The following TMEM132D variants were observed in gnomAD, a reference collection of about 807,000 sequenced individuals.
TMEM132D encodes the protein mature OL transmembrane protein.
Under a neutral mutation model 62.3 loss-of-function variants are expected in TMEM132D, and 21 were observed. The ratio of observed to expected loss-of-function variants is 0.34; its 90% confidence interval spans 0.24 to 0.49. The LOEUF is 0.49. Ranked by LOEUF, TMEM132D falls within the 20% of genes least tolerant of loss-of-function variation. TMEM132D has a pLI of 0.99. For synonymous variants in TMEM132D, 621 were observed against 575.6 expected, an observed-to-expected ratio of 1.08 and a Z score of -1.13; for missense variants, 1,346 against 1,402.8, an observed-to-expected ratio of 0.96 and a Z score of 0.65.
At chr12:129,232,604 G>A (rs916485560) in intron 4 of TMEM132D, among the ~76,000 whole-genome samples, 1 of 152,054 alleles carries the variant, frequency 6.6e-6, no homozygotes, top group Non-Finnish European at 1.5e-5. Context: ...TGTGACCACC[G>A]AACGATTACT....
intron 2 of TMEM132D, among the ~76,000 whole-genome samples, chr12:129,672,040 T>C (rs1880512428): frequency 6.6e-6 from 1 of 152,198 alleles, no homozygotes; most frequent in Non-Finnish European, 1.5e-5. Context: ...GACCTGATCG[T>C]GCAAAAATGC....
chr12:129,098,265 T>C (rs767207527), intron 5 of TMEM132D, among the ~76,000 whole-genome samples: 20 of 152,284 alleles, frequency 1.3e-4, no homozygotes, highest in Admixed American at 3.3e-4. Context: ...CAACTGATCG[T>C]TGACAAAGGA....
Position 129,726,274 on chromosome 12 carries a change from A to G in TMEM132D, c.80-25576T>C, listed in dbSNP as rs778851277. ...GAGTACGGCCCCAGGAGTCCTTCCA[A>G]TGAATCCCCAAAGCTGAGGGTGGAC... is the stretch of plus-strand genomic sequence containing the variant. On this transcript the variant is annotated intron_variant, in intron 1 of 8. Coordinates refer to ENST00000422113, the MANE Select transcript of TMEM132D (RefSeq NM_133448.3). Among the ~76,000 whole-genome samples the G allele has an allele frequency of 5.3e-5, 8 of 152,154 alleles. No individual in the cohort carries two copies. In the South Asian group the frequency reaches 6.2e-4, roughly 12 times the overall value.
chr12:129,702,076 T>A (rs1482910474), intron 1 of TMEM132D, among the ~76,000 whole-genome samples: 1 of 152,192 alleles, frequency 6.6e-6, no homozygotes, highest in Admixed American at 6.5e-5. Flanking sequence ...TAACACAGGG[T>A]GTCAGGCTGC....
chr12:129,440,560 C>T (rs1022411728), intron 3 of TMEM132D, among the ~76,000 whole-genome samples: 1 of 152,116 alleles, frequency 6.6e-6, no homozygotes, highest in Non-Finnish European at 1.5e-5. Context: ...TCTCATATAT[C>T]CCATAATAGC....
chr12:129,601,412 T>A (rs1878479588), intron 2 of TMEM132D, among the ~76,000 whole-genome samples: 2 of 152,226 alleles, frequency 1.3e-5, no homozygotes, highest in Admixed American at 1.3e-4. Flanking sequence ...GTGTGTTCAC[T>A]GGAGTAGCAG....
At chr12:129,644,895 A>G (rs1334154862) in intron 2 of TMEM132D, among the ~76,000 whole-genome samples, 5 of 148,094 alleles carry the variant, frequency 3.4e-5, no homozygotes, top group Admixed American at 1.4e-4. Context: ...CTGAGTCAAG[A>G]GAATGGTCTG....
intron 1 of TMEM132D, among the ~76,000 whole-genome samples, chr12:129,807,235 G>A (rs1872021704): frequency 6.6e-6 from 1 of 152,178 alleles, no homozygotes; most frequent in Non-Finnish European, 1.5e-5. Flanking sequence ...GCCAGGACAA[G>A]CCTGTCCCCA....
At chr12:129,594,372 G>A (rs955341769) in intron 2 of TMEM132D, among the ~76,000 whole-genome samples, 22 of 152,152 alleles carry the variant, frequency 1.4e-4, no homozygotes, top group Non-Finnish European at 4.4e-5. Flanking sequence ...TCAAAGTCCA[G>A]GGGAAATGAA....
intron 1 of TMEM132D, among the ~76,000 whole-genome samples, chr12:129,781,932 TAAG>T (rs1427479098): frequency 6.6e-6 from 1 of 152,200 alleles, no homozygotes; most frequent in Admixed American, 6.5e-5. Context: ...TGAATTTTTT[TAAG>T]AAGTTCAAGA....
chr12:129,206,745 A>G (rs1310089338), intron 5 of TMEM132D, among the ~76,000 whole-genome samples: 1 of 152,254 alleles, frequency 6.6e-6, no homozygotes, highest in African/African-American at 2.4e-5. Context: ...AATGTGGTAC[A>G]TATACACCAT....
At chr12:129,623,199 A>C (rs1393927251) in intron 2 of TMEM132D, among the ~76,000 whole-genome samples, 3 of 152,214 alleles carry the variant, frequency 2.0e-5, no homozygotes, top group Non-Finnish European at 4.4e-5. Context: ...ATATGTAACA[A>C]CAACCAACTA....
chr12:129,090,082 C>T (rs1456836328), intron 5 of TMEM132D, among the ~76,000 whole-genome samples: 2 of 152,218 alleles, frequency 1.3e-5, no homozygotes, highest in Non-Finnish European at 1.5e-5. Context: ...TGAGAGCAGC[C>T]GCTATGAGCT....
chr12:129,513,868 C>T (rs538684152), intron 3 of TMEM132D, among the ~76,000 whole-genome samples: 302 of 147,828 alleles, frequency 2.0e-3, no homozygotes, highest in African/African-American at 7.2e-3. Flanking sequence ...GACGGAGTCT[C>T]GCTCTGTCGC....
intron 3 of TMEM132D, among the ~76,000 whole-genome samples, chr12:129,372,099 C>A (rs937650684): frequency 1.3e-5 from 2 of 152,068 alleles, no homozygotes; most frequent in African/African-American, 4.8e-5. Flanking sequence ...GAAGATGGAC[C>A]CTTACCAGGG....
At chr12:129,291,798 T>C (rs558577281) in intron 4 of TMEM132D, among the ~76,000 whole-genome samples, 4 of 152,204 alleles carry the variant, frequency 2.6e-5, no homozygotes, top group South Asian at 2.1e-4. Context: ...TATGGGGCTA[T>C]TGAGGTTCAG....
At chr12:129,732,480 C>T (rs189409977) in intron 1 of TMEM132D, among the ~76,000 whole-genome samples, 3 of 152,284 alleles carry the variant, frequency 2.0e-5, no homozygotes, top group East Asian at 3.9e-4. Flanking sequence ...GCCGATGCCT[C>T]AGAGCTTGGT....
At chr12:129,207,424 C>T (rs892975483) in intron 5 of TMEM132D, among the ~76,000 whole-genome samples, 6 of 152,170 alleles carry the variant, frequency 3.9e-5, no homozygotes, top group African/African-American at 9.7e-5. Flanking sequence ...ATGACATATA[C>T]GCATATATGA....
intron 1 of TMEM132D, among the ~76,000 whole-genome samples, chr12:129,704,142 T>C (rs1881448920): frequency 6.6e-6 from 1 of 152,234 alleles, no homozygotes; most frequent in Admixed American, 6.5e-5. Context: ...TAAATATTTT[T>C]AAATGGTGTT....
Sources: gnomAD v4.1 joint callset for allele counts (sites outside exome capture counted in the v4.1 genomes callset) on GRCh38, gnomAD v4.1.1 for gene constraint, MANE v1.5 for transcripts, NCBI Gene and HGNC (gene_info 2026-07-23, HGNC 2026-07-21) for gene names.